The following MAN2A1 variants were observed in gnomAD, a reference collection of about 807,000 sequenced individuals.
MAN2A1 encodes the protein mannosidase alpha class 2A member 1, also known as alpha-mannosidase 2.
A neutral mutation model predicts 142.6 loss-of-function variants in MAN2A1; 76 were observed. The observed-to-expected ratio is 0.53, with a 90% CI of 0.44 to 0.65. The LOEUF (loss-of-function observed/expected upper bound fraction) is 0.65. Ranked by LOEUF, MAN2A1 falls within the 30% of genes least tolerant of loss-of-function variation. MAN2A1 has a pLI of 0.00. For synonymous variants in MAN2A1, 559 were observed against 473.2 expected, an observed-to-expected ratio of 1.18 and a Z score of -2.35; for missense variants, 1,311 against 1,365.1, an observed-to-expected ratio of 0.96 and a Z score of 0.62.
intron 12 of MAN2A1, among the ~76,000 whole-genome samples, chr5:109,810,557 G>A (rs568929249): frequency 3.2e-4 from 49 of 152,108 alleles, no homozygotes; most frequent in Non-Finnish European, 6.2e-4. Flanking sequence ...TTGTCGTAAT[G>A]AAAAAATCAA....
At chr5:109,835,419 A>G (rs988586790) in intron 16 of MAN2A1, among the ~76,000 whole-genome samples, 4 of 152,230 alleles carry the variant, frequency 2.6e-5, no homozygotes, top group Non-Finnish European at 5.9e-5. Flanking sequence ...TATTTTTAAG[A>G]CACTCAGACA....
intron 3 of MAN2A1, among the ~76,000 whole-genome samples, chr5:109,726,013 G>C (rs1486884988): frequency 6.6e-6 from 1 of 152,050 alleles, no homozygotes; most frequent in East Asian, 1.9e-4. Flanking sequence ...ATTTAAAATA[G>C]CTATTAGCTT....
chr5:109,854,488 TA>T (rs1755557791), intron 19 of MAN2A1: 1 of 152,130 alleles, frequency 6.6e-6, no homozygotes, highest in Admixed American at 6.5e-5. Context: ...ACTTTTGGAA[TA>T]AAAATAGTGA....
intron 6 of MAN2A1, among the ~76,000 whole-genome samples, chr5:109,768,755 A>G (rs1398308154): frequency 6.6e-6 from 1 of 152,192 alleles, no homozygotes; most frequent in Non-Finnish European, 1.5e-5. Flanking sequence ...TTAATTCTAG[A>G]AAATTAAACC....
chr5:109,698,198 C>T (rs78048183), intron 1 of MAN2A1, among the ~76,000 whole-genome samples: 2,663 of 152,338 alleles, frequency 0.017, 30 homozygotes, highest in Middle Eastern at 0.061. Flanking sequence ...GTATAGGTAT[C>T]TTCTTCATAA....
chr5:109,788,816 G>T, intron 10 of MAN2A1, 118 bp from the exon 11 acceptor site: 1 of 602,252 alleles, frequency 1.7e-6, no homozygotes, highest in South Asian at 2.2e-5. Flanking sequence ...TTCATTATAG[G>T]TTTCACTTTG....
In MAN2A1 at chr5:109,867,591, TTC is replaced by T. The variant is rs949415426; in HGVS notation, c.*595_*596del. 1.3e-4 allele frequency: 20 copies of T among 152,724 alleles called. No homozygotes were observed. Among genetic ancestry groups the T allele is most frequent in the African/African-American group, 4.8e-4 (20 of 41,580 alleles). 9.5% of individuals were successfully genotyped at this position (152,724 alleles called of 1,614,324 possible). ...GACCTTCTCCTTCCCTTCCTACCCT[TTC>T]TAAGTATTTCCAGAAATACCTGATT... On this transcript the variant is annotated 3_prime_UTR_variant, in exon 22 of 22. Transcript: ENST00000261483.
At position 109,781,436 on chromosome 5, in the gene MAN2A1, A is replaced by G. The variant is rs562237822; in HGVS notation, c.1415A>G (p.Asp472Gly). Residue 472 changes from aspartate (D) to glycine (G), a missense_variant, in exon 9 of 22, where the codon GAT (aspartate) becomes GGT (glycine). Asp to Gly is a moderately conservative substitution (Grantham distance 94, BLOSUM62 -1). Coordinates refer to ENST00000261483, the MANE Select transcript of MAN2A1 (RefSeq NM_002372.4). ...TTATCAGATTTTTTTGATGCGCTGG[A>G]TAAAGCAGATGAAACTCAGAGAGAC... ...GTLSDFFDAL[D>G]KADETQRDKG... 5.0e-6 allele frequency: 8 copies of G among 1,612,114 alleles called. No homozygotes were observed. Among genetic ancestry groups the G allele is most frequent in the Middle Eastern group, 1.7e-4 (1 of 6,052 alleles).
At chr5:109,712,503 A>G (rs74556833) in intron 1 of MAN2A1, among the ~76,000 whole-genome samples, 9,781 of 152,014 alleles carry the variant, frequency 0.064, 321 homozygotes, top group African/African-American at 0.085. Context: ...GCGTTTGGAT[A>G]TTTTCTATCC....
chr5:109,748,175 A>C (rs952739612), intron 4 of MAN2A1, among the ~76,000 whole-genome samples: 2 of 152,200 alleles, frequency 1.3e-5, no homozygotes, highest in South Asian at 2.1e-4. Context: ...ATGAAAGTAC[A>C]TATGCATTTT....
At chr5:109,722,886 A>G (rs377411008) in intron 3 of MAN2A1, among the ~76,000 whole-genome samples, 16 of 152,296 alleles carry the variant, frequency 1.1e-4, no homozygotes, top group African/African-American at 3.6e-4. Flanking sequence ...ATTATTTCAA[A>G]TAACCAAGCT....
chr5:109,725,303 G>A lies in MAN2A1; in HGVS notation c.536-4039G>A, dbSNP rs574671169. On this transcript the variant is annotated intron_variant, in intron 3 of 21. Transcript: ENST00000261483. ...GAATATGGTGGTGTGTATGGGGAGA[G>A]CCAGCCTGTGGGGCAGGCCAGCTGC... Among the ~76,000 whole-genome samples, 59 of 152,308 alleles carry A rather than the reference G, an allele frequency of 3.9e-4. No homozygotes were observed. The East Asian group carries it at 5.0e-3, about 13-fold the overall frequency.
intron 1 of MAN2A1, among the ~76,000 whole-genome samples, chr5:109,691,381 C>T (rs73217309): frequency 0.15 from 22,678 of 152,172 alleles, 1,906 homozygotes; most frequent in African/African-American, 0.24. Flanking sequence ...CAATATAACC[C>T]GTGCACTTCA....
rs186001110 is a variant in MAN2A1, at chr5:109,814,448, C to T, written c.1944-2825C>T. On this transcript the variant is annotated intron_variant, in intron 12 of 21. Transcript: ENST00000261483. ...ATGATCATCCTTTCTCTGTACTCTA[C>T]TTAAAATGTACATAGATAGGAGTTC... Among the ~76,000 whole-genome samples the T allele has an allele frequency of 2.1e-3, 316 of 152,246 alleles. 1 individual carries two copies. Among genetic ancestry groups the T allele is most frequent in the African/African-American group, 7.5e-3 (312 of 41,546 alleles).
rs769225082 is a variant in MAN2A1 at position 109,856,774 on chromosome 5, C to CGT, written c.3171+1446_3171+1447dup. On this transcript the variant is annotated intron_variant, in intron 20 of 21. Transcript: ENST00000261483. ...AATGACTACAAGCAAATGCTCGAGGCGTGTGTGCGTGTGTGTGTATTGAAA... is the reference window on the plus strand; with the variant it reads ...AATGACTACAAGCAAATGCTCGAGGCGTGTGTGTGCGTGTGTGTGTATTGAAA... 1.3e-3 allele frequency among the ~76,000 whole-genome samples: 199 copies of CGT among 152,264 alleles called. 1 individual carries two copies. Among genetic ancestry groups the CGT allele is most frequent in the Middle Eastern group, 0.01 (3 of 294 alleles).
At chr5:109,729,249 C>T in intron 3 of MAN2A1, 93 bp from the exon 4 acceptor site, 2 of 726,946 alleles carry the variant, frequency 2.8e-6, no homozygotes, top group East Asian at 3.0e-5. Context: ...AATGAAAATT[C>T]TAACGATGTC....
At chr5:109,745,948 A>G (rs1752392437) in intron 4 of MAN2A1, among the ~76,000 whole-genome samples, 1 of 152,078 alleles carries the variant, frequency 6.6e-6, no homozygotes, top group Non-Finnish European at 1.5e-5. Flanking sequence ...TTTCATGACT[A>G]TTTTTAAGCT....
chr5:109,838,973 A>G (rs1755127044), intron 16 of MAN2A1, among the ~76,000 whole-genome samples: 1 of 152,224 alleles, frequency 6.6e-6, no homozygotes, highest in Admixed American at 6.5e-5. Flanking sequence ...CTGGAGATAC[A>G]TGAATTAAAA....
intron 20 of MAN2A1, among the ~76,000 whole-genome samples, chr5:109,855,585 G>A (rs1202548038): frequency 6.6e-6 from 1 of 152,096 alleles, no homozygotes; most frequent in Non-Finnish European, 1.5e-5. Flanking sequence ...TAGTAGGTGG[G>A]CAATCTGGGC....
Sources: allele counts gnomAD v4.1 joint callset (sites outside exome capture counted in the v4.1 genomes callset), GRCh38; gene constraint gnomAD v4.1.1; transcripts MANE v1.5; gene names NCBI Gene and HGNC (gene_info 2026-07-23, HGNC 2026-07-21).